SNX7: variants seen among roughly 807,000 people sequenced by gnomAD.
SNX7 encodes sorting nexin-7.
Under a neutral mutation model 48.4 loss-of-function variants are expected in SNX7, and 35 were observed. That is an observed-to-expected ratio of 0.72 (90% CI 0.55 to 0.96). The LOEUF (loss-of-function observed/expected upper bound fraction) is 0.96, where lower values mean the gene tolerates loss of function less well. Ranked by LOEUF, SNX7 falls within the 40% of genes least tolerant of loss-of-function variation. SNX7 has a pLI of 0.00. For missense variants in SNX7, 553 were observed against 548.9 expected (o/e 1.01, Z -0.07); for synonymous variants, 190 against 190.2 (o/e 1.00, Z 0.01).
intron 7 of SNX7, 31 bp from the exon 8 acceptor site, chr1:98,738,206 T>C (rs1557831833): frequency 6.2e-7 from 1 of 1,600,360 alleles, no homozygotes; most frequent in Admixed American, 1.7e-5. Context: ...AATTCATAGA[T>C]CAATGTATCT....
chr1:98,687,990 G>C (rs1650897825), intron 2 of SNX7, among the ~76,000 whole-genome samples: 1 of 152,096 alleles, frequency 6.6e-6, no homozygotes, highest in African/African-American at 2.4e-5. Flanking sequence ...GACACATGGG[G>C]ATTATTACAA....
intron 8 of SNX7, among the ~76,000 whole-genome samples, chr1:98,743,627 TA>T (rs1654180794): frequency 2.6e-5 from 4 of 152,054 alleles, no homozygotes; most frequent in African/African-American, 2.4e-5. Flanking sequence ...AGAAATTTTG[TA>T]AAAATAGATC....
intron 7 of SNX7, among the ~76,000 whole-genome samples, chr1:98,737,247 G>A (rs541058180): frequency 6.6e-6 from 1 of 152,094 alleles, no homozygotes; most frequent in South Asian, 2.1e-4. Context: ...ATTTATTCAA[G>A]TCATACTTAT....
intron 7 of SNX7, among the ~76,000 whole-genome samples, chr1:98,726,374 A>T (rs1653170980): frequency 6.6e-6 from 1 of 152,318 alleles, no homozygotes; most frequent in East Asian, 1.9e-4. Flanking sequence ...GTATAATCTG[A>T]GTCTTGACCT....
chr1:98,720,108 C>T (rs1014997817), intron 7 of SNX7, among the ~76,000 whole-genome samples: 2 of 151,772 alleles, frequency 1.3e-5, no homozygotes, highest in Non-Finnish European at 2.9e-5. Context: ...TGCTCCAAGA[C>T]CATACTGTGT....
At chr1:98,671,930 T>G (rs1428271959) in intron 1 of SNX7, among the ~76,000 whole-genome samples, 1 of 152,078 alleles carries the variant, frequency 6.6e-6, no homozygotes, top group African/African-American at 2.4e-5. Flanking sequence ...TAAAGTGAAA[T>G]ATTAAGAAAA....
chr1:98,758,206 T>C (rs1191743121), intron 8 of SNX7, among the ~76,000 whole-genome samples: 1 of 152,046 alleles, frequency 6.6e-6, no homozygotes. Context: ...AATTATAAAT[T>C]ACAGTCCAAA....
intron 8 of SNX7, among the ~76,000 whole-genome samples, chr1:98,740,437 C>T (rs1335803540): frequency 6.6e-6 from 1 of 152,022 alleles, no homozygotes; most frequent in East Asian, 1.9e-4. Context: ...TAAATTAAAG[C>T]ATGCAGTTTT....
At chr1:98,662,957 A>G (rs1211525284) in intron 1 of SNX7, 3 of 707,162 alleles carry the variant, frequency 4.2e-6, no homozygotes, top group Non-Finnish European at 6.0e-6. Flanking sequence ...TGATAGGCCC[A>G]GGTTTGTATT....
intron 7 of SNX7, among the ~76,000 whole-genome samples, chr1:98,736,793 G>T (rs1456309589): frequency 6.6e-6 from 1 of 152,136 alleles, no homozygotes; most frequent in South Asian, 2.1e-4. Context: ...GCTAATTCAA[G>T]CATCAGAAGT....
At chr1:98,745,514 C>G (rs1654267955) in intron 8 of SNX7, among the ~76,000 whole-genome samples, 1 of 151,996 alleles carries the variant, frequency 6.6e-6, no homozygotes, top group Non-Finnish European at 1.5e-5. Flanking sequence ...AAAGAGCAGT[C>G]TATATCTTTG....
At chr1:98,742,837 CAT>C (rs1336345108) in intron 8 of SNX7, among the ~76,000 whole-genome samples, 7 of 151,864 alleles carry the variant, frequency 4.6e-5, no homozygotes, top group African/African-American at 7.2e-5. Context: ...CATAAAAACA[CAT>C]ATGTTTACTT....
upstream of SNX7, chr1:98,661,632 G>C (rs550390935): frequency 4.7e-6 from 5 of 1,061,440 alleles, no homozygotes; most frequent in African/African-American, 8.3e-5. Flanking sequence ...CTGGAGCGGG[G>C]CCGGCCGGGG....
In SNX7 at chr1:98,662,490, G is replaced by A. The variant is rs145879764; in HGVS notation, c.180+579G>A. On this transcript the variant is annotated intron_variant, in intron 1 of 8. Transcript: ENST00000306121. ...CCGCTGAGGAGCTAAGGATTTTTCA[G>A]ATGGTCAGCTACTGCCACCCAACCC... 1.7e-3 allele frequency: 584 copies of A among 344,770 alleles called. 4 individuals carry two copies. The highest frequency in any genetic ancestry group is 0.012 in the African/African-American group (540 of 46,442). 21.4% of individuals were successfully genotyped at this position (344,770 alleles called of 1,614,324 possible).
chr1:98,749,379 T>TGTGTTGCG (rs1654470493), intron 8 of SNX7, among the ~76,000 whole-genome samples: 1 of 152,114 alleles, frequency 6.6e-6, no homozygotes, highest in Non-Finnish European at 1.5e-5. Context: ...ATTAACTATC[T>TGTGTTGCG]GTGTTGCAGT....
intron 1 of SNX7, among the ~76,000 whole-genome samples, chr1:98,671,687 T>C (rs946948115): frequency 1.3e-5 from 2 of 152,150 alleles, no homozygotes; most frequent in Admixed American, 6.5e-5. Flanking sequence ...TGCTTACAGT[T>C]AATCTCTGTT....
chr1:98,690,281 T>C lies in SNX7; in HGVS notation c.364-794T>C, dbSNP rs185611545. Among the ~76,000 whole-genome samples the C allele has an allele frequency of 1.5e-3, 233 of 152,190 alleles. 3 individuals are homozygous for C. The highest frequency in any genetic ancestry group is 2.0e-3 in the Non-Finnish European group (137 of 67,938). On this transcript the variant is annotated intron_variant, in intron 2 of 8. Transcript: ENST00000306121. ...TGAGTGACTGTTTTCCTATGAGAGG[T>C]GAGTGTACATTAGATAACTCATATT...
intron 2 of SNX7, among the ~76,000 whole-genome samples, chr1:98,690,443 T>G (rs1016856617): frequency 6.6e-6 from 1 of 152,016 alleles, no homozygotes; most frequent in East Asian, 1.9e-4. Context: ...TTTTTAGGAG[T>G]TTAGGCATAT....
intron 8 of SNX7, among the ~76,000 whole-genome samples, chr1:98,749,406 A>G (rs1019534516): frequency 1.3e-5 from 2 of 152,128 alleles, no homozygotes; most frequent in Non-Finnish European, 2.9e-5. Context: ...AATATTTGCA[A>G]TAATTACAAG....
Sources: gnomAD v4.1 joint callset for allele counts (sites outside exome capture counted in the v4.1 genomes callset) on GRCh38, gnomAD v4.1.1 for gene constraint, MANE v1.5 for transcripts, NCBI Gene and HGNC (gene_info 2026-07-23, HGNC 2026-07-21) for gene names.